Variants in SPAG16 observed in about 807,000 individuals in gnomAD.
SPAG16 encodes sperm associated antigen 16.
A neutral mutation model predicts 80.4 loss-of-function variants in SPAG16; 86 were observed. That is an observed-to-expected ratio of 1.07 (90% confidence interval 0.90 to 1.28). The LOEUF is 1.28. Ranked by LOEUF, SPAG16 falls within the 50% of genes most tolerant of loss-of-function variation. The probability of loss-of-function intolerance (pLI) is 0.00; values close to 1 mark genes in which losing one functional copy is unlikely to be tolerated. For missense variants in SPAG16, 870 were observed against 765.3 expected, an observed-to-expected ratio of 1.14 and a Z score of -1.61; for synonymous variants, 294 against 265.9, an observed-to-expected ratio of 1.11 and a Z score of -1.03.
chr2:214,091,101 C>T (rs2052163796), intron 13 of SPAG16, among the ~76,000 whole-genome samples: 1 of 152,006 alleles, frequency 6.6e-6, no homozygotes, highest in Non-Finnish European at 1.5e-5. Flanking sequence ...AAGTTTCTCC[C>T]TCTATTCCCT....
At chr2:213,905,802 C>T (rs1443030996) in intron 11 of SPAG16, among the ~76,000 whole-genome samples, 2 of 151,884 alleles carry the variant, frequency 1.3e-5, no homozygotes, top group Non-Finnish European at 2.9e-5. Flanking sequence ...TAAGCGATGC[C>T]CACCCTCCAA....
chr2:214,070,463 G>C (rs1245634555), intron 13 of SPAG16, among the ~76,000 whole-genome samples: 1 of 151,964 alleles, frequency 6.6e-6, no homozygotes, highest in African/African-American at 2.4e-5. Context: ...CCACTGCTTT[G>C]AATTATGTGA....
At chr2:214,404,137 T>C (rs568087947) in intron 15 of SPAG16, among the ~76,000 whole-genome samples, 2 of 152,184 alleles carry the variant, frequency 1.3e-5, no homozygotes, top group Non-Finnish European at 2.9e-5. Context: ...ACAGAGTTCA[T>C]GTAAGAGTGT....
At chr2:213,975,216 T>C (rs894552568) in intron 12 of SPAG16, among the ~76,000 whole-genome samples, 36 of 151,092 alleles carry the variant, frequency 2.4e-4, no homozygotes, top group African/African-American at 8.7e-4. Flanking sequence ...TCTATTCATA[T>C]ATTTAAATAA....
chr2:214,389,583 A>G (rs1180875563), intron 15 of SPAG16, among the ~76,000 whole-genome samples: 2 of 152,254 alleles, frequency 1.3e-5, no homozygotes, highest in Non-Finnish European at 2.9e-5. Flanking sequence ...TTGTACTGCC[A>G]GGGCAGTGGG....
chr2:214,409,955 T>A (rs1702207226), intron 15 of SPAG16, among the ~76,000 whole-genome samples, 185 bp from the exon 16 acceptor site: 2 of 152,246 alleles, frequency 1.3e-5, no homozygotes, highest in African/African-American at 4.8e-5. Flanking sequence ...ACCTAATTAT[T>A]GATGTGTCTT....
chr2:213,874,662 T>C (rs981253230), intron 11 of SPAG16, among the ~76,000 whole-genome samples: 1 of 152,142 alleles, frequency 6.6e-6, no homozygotes, highest in Non-Finnish European at 1.5e-5. Flanking sequence ...CACTAGGCCA[T>C]AGGAATTTTT....
chr2:213,882,870 T>A (rs888474184), intron 11 of SPAG16, among the ~76,000 whole-genome samples: 1 of 152,168 alleles, frequency 6.6e-6, no homozygotes, highest in African/African-American at 2.4e-5. Context: ...TTTGTTTTTC[T>A]TTTTGTTTTT....
chr2:213,984,293 ATGTT>A (rs2045902862), intron 12 of SPAG16, among the ~76,000 whole-genome samples: 1 of 152,086 alleles, frequency 6.6e-6, no homozygotes, highest in Non-Finnish European at 1.5e-5. Flanking sequence ...AGGGAACAAA[ATGTT>A]TGACAGTGTG....
chr2:214,152,971 T>G (rs189318375), intron 15 of SPAG16, among the ~76,000 whole-genome samples: 27 of 152,218 alleles, frequency 1.8e-4, no homozygotes, highest in Non-Finnish European at 2.6e-4. Flanking sequence ...ACTAGGAGCT[T>G]GACCACTGAA....
At chr2:213,963,726 A>T (rs1400448220) in intron 12 of SPAG16, among the ~76,000 whole-genome samples, 1 of 152,046 alleles carries the variant, frequency 6.6e-6, no homozygotes, top group Non-Finnish European at 1.5e-5. Context: ...ACCTATTATT[A>T]GTGTTATATT....
chr2:214,296,788 T>C (rs933622431), intron 15 of SPAG16, among the ~76,000 whole-genome samples: 1 of 152,196 alleles, frequency 6.6e-6, no homozygotes, highest in Admixed American at 6.5e-5. Context: ...ATGTTGGAAA[T>C]GGGGCATAGT....
intron 13 of SPAG16, among the ~76,000 whole-genome samples, chr2:214,021,562 A>C (rs887645001): frequency 5.9e-5 from 9 of 152,124 alleles, no homozygotes; most frequent in Admixed American, 5.9e-4. Context: ...TCCCTGCCAC[A>C]ACACCTGGGA....
At chr2:213,643,491 T>C (rs2062701919) in intron 10 of SPAG16, among the ~76,000 whole-genome samples, 1 of 147,356 alleles carries the variant, frequency 6.8e-6, no homozygotes, top group African/African-American at 2.5e-5. Context: ...TGAGGTATTC[T>C]TTGTATTAAA....
intron 10 of SPAG16, among the ~76,000 whole-genome samples, chr2:213,833,106 G>A (rs753670911): frequency 1.3e-4 from 19 of 151,196 alleles, no homozygotes; most frequent in Non-Finnish European, 2.4e-4. Context: ...ATTCTTTCTG[G>A]AAACCACACT....
intron 15 of SPAG16, among the ~76,000 whole-genome samples, chr2:214,170,217 T>C (rs2056821057): frequency 1.2e-5 from 1 of 83,790 alleles, no homozygotes; most frequent in African/African-American, 2.8e-5. Flanking sequence ...CACACTTAGG[T>C]GTGTATACGT....
chr2:213,302,351 G>A (rs1028010733), intron 3 of SPAG16, among the ~76,000 whole-genome samples: 1 of 152,086 alleles, frequency 6.6e-6, no homozygotes, highest in African/African-American at 2.4e-5. Flanking sequence ...AATTTCTTAA[G>A]TATACATAAT....
chr2:213,576,360 G>A (rs1452905012), intron 10 of SPAG16, among the ~76,000 whole-genome samples: 1 of 152,092 alleles, frequency 6.6e-6, no homozygotes, highest in Non-Finnish European at 1.5e-5. Context: ...GTAGCGTGAT[G>A]CCTCCAGCTT....
chr2:214,101,995 G>C (rs1362274631), intron 13 of SPAG16, among the ~76,000 whole-genome samples: 1 of 152,038 alleles, frequency 6.6e-6, no homozygotes, highest in Non-Finnish European at 1.5e-5. Context: ...CTGAAGCAAA[G>C]GTGTTGGGGA....
Sources: allele counts gnomAD v4.1 joint callset (sites outside exome capture counted in the v4.1 genomes callset), GRCh38; gene constraint gnomAD v4.1.1; transcripts MANE v1.5; gene names NCBI Gene and HGNC (gene_info 2026-07-23, HGNC 2026-07-21).